Variants in THEMIS observed in about 807,000 individuals in gnomAD.
THEMIS encodes protein THEMIS.
Under a neutral mutation model 52.6 loss-of-function variants are expected in THEMIS, and 37 were observed. The observed-to-expected ratio is 0.70, with a 90% CI of 0.54 to 0.93. THEMIS has a LOEUF of 0.93. THEMIS is among the 40% of genes least tolerant of loss of function. The pLI, the probability that THEMIS is intolerant of heterozygous loss-of-function variation, is 0.00. For missense variants in THEMIS, 808 were observed against 763.1 expected, an observed-to-expected ratio of 1.06 and a Z score of -0.69; for synonymous variants, 292 against 272.7, an observed-to-expected ratio of 1.07 and a Z score of -0.70.
At chr6:127,757,863 A>C (rs138309019) in intron 4 of THEMIS, among the ~76,000 whole-genome samples, 2 of 152,234 alleles carry the variant, frequency 1.3e-5, no homozygotes, top group African/African-American at 4.8e-5. Flanking sequence ...ATCTTCAGGA[A>C]TTACCTGGTA....
Position 127,868,751 on chromosome 6 carries a change from T to C in THEMIS, c.92-13563A>G, listed in dbSNP as rs529126724. ...AGACGATAAGCTGTTGTTTTTCATA[T>C]AGTGGTTGGCTGAGAAGTAACTATT... On this transcript the variant is annotated intron_variant, in intron 1 of 5. Transcript: ENST00000368248. 5.1e-4 allele frequency among the ~76,000 whole-genome samples: 78 copies of C among 152,286 alleles called. 2 individuals are homozygous for C. The highest frequency in any genetic ancestry group is 4.5e-3 in the Admixed American group (69 of 15,278).
At chr6:127,705,481 C>T (rs1336183318), downstream of THEMIS, among the ~76,000 whole-genome samples, 1 of 152,142 alleles carries the variant, frequency 6.6e-6, no homozygotes, top group Non-Finnish European at 1.5e-5. Flanking sequence ...TGGTGTTTGG[C>T]CCTCTCCCTG....
intron 4 of THEMIS, among the ~76,000 whole-genome samples, chr6:127,725,668 C>A (rs1489336734): frequency 3.3e-5 from 5 of 152,036 alleles, no homozygotes; most frequent in African/African-American, 7.2e-5. Flanking sequence ...TATAGACAGT[C>A]ATTTCTTTTG....
In THEMIS at chr6:127,900,828, T is replaced by C. The variant is rs761761306; in HGVS notation, c.91+14A>G. ...AGAATGTTCTAGCCAGTAAAGGTAT[T>C]GGAGAGTGCTTACCTTCAAGATAGA... On this transcript the variant is annotated intron_variant, in intron 1 of 5. Coordinates refer to ENST00000368248, the MANE Select transcript of THEMIS (RefSeq NM_001010923.3). The C allele has an allele frequency of 1.9e-6, 3 of 1,605,854 alleles. No homozygotes were observed. Among genetic ancestry groups the C allele is most frequent in the Middle Eastern group, 1.7e-4 (1 of 6,038 alleles).
At chr6:127,821,748 A>G (rs1014210843) in intron 3 of THEMIS, among the ~76,000 whole-genome samples, 1 of 152,026 alleles carries the variant, frequency 6.6e-6, no homozygotes, top group Non-Finnish European at 1.5e-5. Flanking sequence ...AGAGAAAATA[A>G]AGAGTTACCT....
chr6:127,887,146 A>G (rs1057199671), intron 1 of THEMIS, among the ~76,000 whole-genome samples: 2 of 152,138 alleles, frequency 1.3e-5, no homozygotes, highest in African/African-American at 4.8e-5. Context: ...TTTGCAAATC[A>G]AATATCCAGA....
At chr6:127,864,389 G>T (rs1450609712) in intron 1 of THEMIS, among the ~76,000 whole-genome samples, 1 of 152,108 alleles carries the variant, frequency 6.6e-6, no homozygotes, top group African/African-American at 2.4e-5. Context: ...CTTATTGAGA[G>T]AAGTAAAAGC....
intron 3 of THEMIS, among the ~76,000 whole-genome samples, chr6:127,815,324 T>C (rs1405928086): frequency 3.9e-5 from 6 of 152,100 alleles, no homozygotes. Context: ...CTTCCTTCCA[T>C]GCTTTTGAAA....
chr6:127,824,486 G>A (rs760374054), intron 3 of THEMIS, among the ~76,000 whole-genome samples: 37 of 152,006 alleles, frequency 2.4e-4, no homozygotes, highest in Admixed American at 7.9e-4. Flanking sequence ...TATAGAAACA[G>A]TGCCTTACTT....
At chr6:127,907,139 A>G (rs802710) in intron 1 of THEMIS, among the ~76,000 whole-genome samples, 70,332 of 151,442 alleles carry the variant, frequency 0.46, 17,263 homozygotes, top group Non-Finnish European at 0.57. Context: ...TATCTAAATC[A>G]TTCATTCTCT....
Position 127,829,502 on chromosome 6 carries a change from A to G in THEMIS, c.683T>C (p.Val228Ala). 6.2e-7 allele frequency: 1 copy of G among 1,608,000 alleles called. No homozygotes were observed. Among genetic ancestry groups the G allele is most frequent in the Non-Finnish European group, 8.5e-7 (1 of 1,177,576 alleles). ...DFYGTLILKP[V>A]YEIQGVMKFR... ...TTTCATCACACCTTGAATTTCATAAACAGGCTTGAGAATCAGGGTACCATA... is the reference window on the plus strand; with the variant it reads ...TTTCATCACACCTTGAATTTCATAAGCAGGCTTGAGAATCAGGGTACCATA... The change falls in exon 3 of 6, where the codon GTT becomes GCT. Residue 228 changes from valine to alanine, a missense_variant. By Grantham distance (64) the Val-to-Ala change is moderately conservative. Transcript: ENST00000368248.
intron 3 of THEMIS, among the ~76,000 whole-genome samples, chr6:127,817,022 T>A (rs1778159002): frequency 1.3e-5 from 2 of 152,220 alleles, no homozygotes; most frequent in Admixed American, 1.3e-4. Flanking sequence ...AATTGCAATC[T>A]TCTCTTCTAT....
intron 1 of THEMIS, among the ~76,000 whole-genome samples, chr6:127,897,529 A>G (rs116020201): frequency 6.6e-6 from 1 of 151,636 alleles, no homozygotes; most frequent in South Asian, 2.1e-4. Flanking sequence ...AAAATCCAAG[A>G]AATATATGAA....
At chr6:127,699,396 A>G in the THEMIS span, among the ~76,000 whole-genome samples, 1 of 151,052 alleles carries the variant, frequency 6.6e-6, no homozygotes, top group Non-Finnish European at 1.5e-5. Context: ...ATATTTCAAT[A>G]CACTTCATTG....
At chr6:127,699,178 A>G in the THEMIS span, among the ~76,000 whole-genome samples, 1 of 151,850 alleles carries the variant, frequency 6.6e-6, no homozygotes, top group Admixed American at 6.6e-5. Context: ...GGGATGTCTT[A>G]AAAGTGCCTA....
At chr6:127,828,030 T>G (rs572430558) in intron 3 of THEMIS, among the ~76,000 whole-genome samples, 1 of 152,258 alleles carries the variant, frequency 6.6e-6, no homozygotes, top group Admixed American at 6.5e-5. Context: ...ATACCACTCC[T>G]GCCTTCTCCA....
At chr6:127,804,243 G>A (rs981218457) in intron 4 of THEMIS, among the ~76,000 whole-genome samples, 1 of 152,076 alleles carries the variant, frequency 6.6e-6, no homozygotes, top group Non-Finnish European at 1.5e-5. Flanking sequence ...GCATAATATT[G>A]CAGAATTCTA....
At chr6:127,847,492 G>T (rs1025036263) in intron 2 of THEMIS, among the ~76,000 whole-genome samples, 10 of 151,872 alleles carry the variant, frequency 6.6e-5, no homozygotes, top group African/African-American at 2.2e-4. Context: ...AATCAACAAT[G>T]ACCAAACTGA....
At chr6:127,857,171 A>C (rs1262514724) in intron 1 of THEMIS, among the ~76,000 whole-genome samples, 1 of 152,056 alleles carries the variant, frequency 6.6e-6, no homozygotes, top group African/African-American at 2.4e-5. Flanking sequence ...AAGGGAAAGA[A>C]CAATTAAGCA....
Sources: gnomAD v4.1 joint callset for allele counts (sites outside exome capture counted in the v4.1 genomes callset) on GRCh38, gnomAD v4.1.1 for gene constraint, MANE v1.5 for transcripts, NCBI Gene and HGNC (gene_info 2026-07-23, HGNC 2026-07-21) for gene names.